ZNF451: variants seen among roughly 807,000 people sequenced by gnomAD.
ZNF451 encodes E3 SUMO-protein ligase ZNF451.
Under a neutral mutation model 107.1 loss-of-function variants are expected in ZNF451, and 80 were observed. The ratio of observed to expected loss-of-function variants is 0.75; its 90% CI spans 0.62 to 0.90. The LOEUF (loss-of-function observed/expected upper bound fraction) is 0.90. Among genes scored for constraint, ZNF451 ranks in the 40% least tolerant of loss-of-function variants. The pLI, the probability that ZNF451 is intolerant of heterozygous loss-of-function variation, is 0.00. For missense variants in ZNF451, 1,107 were observed against 1,236.2 expected (o/e 0.90, Z 1.57); for synonymous variants, 362 against 406.5 (o/e 0.89, Z 1.32).
intron 3 of ZNF451, chr6:57,105,890 CTTTT>C: frequency 5.3e-6 from 5 of 936,306 alleles, no homozygotes; most frequent in Non-Finnish European, 5.1e-6. Context: ...TACATTTAAA[CTTTT>C]TTTTTTAAAC....
chr6:57,159,544 TGCGTTTTCTTA>T, intron 13 of ZNF451: 1 of 266,550 alleles, frequency 3.8e-6, no homozygotes, highest in Non-Finnish European at 5.5e-6. Flanking sequence ...TTTTTTTTTT[TGCGTTTTCTTA>T]TTTTGCTCAT....
chr6:57,124,633 A>T, intron 3 of ZNF451, 101 bp from the exon 4 acceptor site: 1 of 868,944 alleles, frequency 1.2e-6, no homozygotes, highest in Non-Finnish European at 1.8e-6. Flanking sequence ...CTTATAACTC[A>T]AGTAAATGGT....
At chr6:57,105,986 CTCTT>C (rs1004085848) in intron 3 of ZNF451, 2 of 982,376 alleles carry the variant, frequency 2.0e-6, no homozygotes, top group South Asian at 4.7e-5. Context: ...GGAGCATAAA[CTCTT>C]TCAGGCTACT....
chr6:57,094,665 C>T (rs1012525577), intron 2 of ZNF451, among the ~76,000 whole-genome samples: 33 of 152,116 alleles, frequency 2.2e-4, no homozygotes, highest in Middle Eastern at 3.4e-3. Context: ...TTATTATAAA[C>T]ATAACTTCTT....
intron 3 of ZNF451, chr6:57,103,807 T>C: frequency 1.0e-6 from 1 of 985,378 alleles, no homozygotes; most frequent in Non-Finnish European, 1.2e-6. Flanking sequence ...TGATGTTTTC[T>C]CTGGTGCCAC....
chr6:57,145,920 G>A (rs957860608), intron 9 of ZNF451, among the ~76,000 whole-genome samples: 1 of 152,180 alleles, frequency 6.6e-6, no homozygotes, highest in Non-Finnish European at 1.5e-5. Context: ...TCCATCAACA[G>A]TGTATAAGTG....
intron 3 of ZNF451, among the ~76,000 whole-genome samples, chr6:57,124,161 A>G (rs550406253): frequency 1.3e-5 from 2 of 152,280 alleles, no homozygotes; most frequent in Admixed American, 1.3e-4. Flanking sequence ...TATAAAGTGA[A>G]GAAAGTTCCC....
intron 9 of ZNF451, among the ~76,000 whole-genome samples, chr6:57,143,923 A>G (rs1290517931): frequency 6.6e-6 from 1 of 152,222 alleles, no homozygotes. Context: ...CTTTGAAAAC[A>G]TTATGCTAAA....
chr6:57,158,944 A>G, intron 13 of ZNF451: 1 of 985,452 alleles, frequency 1.0e-6, no homozygotes, highest in Non-Finnish European at 1.2e-6. Flanking sequence ...ATAAACATTC[A>G]CCTAGGTGCT....
At chr6:57,105,238 G>T (rs1386456252) in intron 3 of ZNF451, 2 of 985,186 alleles carry the variant, frequency 2.0e-6, no homozygotes, top group African/African-American at 3.5e-5. Context: ...CAAGTTTAAT[G>T]ATCTGGTATT....
In ZNF451 at chr6:57,148,665, T is replaced by G. The variant is rs1228238914; in HGVS notation, c.2580T>G (p.Val860=). 1.3e-5 allele frequency: 21 copies of G among 1,612,252 alleles called. No homozygotes were observed. Among genetic ancestry groups the G allele is most frequent in the African/African-American group, 4.0e-5 (3 of 74,824 alleles). The change falls in exon 10 of 15, where the codon GTT becomes GTG. Residue 860 remains valine, a synonymous_variant. Coordinates refer to ENST00000370706, the MANE Select transcript of ZNF451 (RefSeq NM_001031623.3). The part of the protein sequence containing the change: ...YSKSLDMEKG[V]ENDLSYQNIE... ...AAAGTTTAGACATGGAGAAAGGAGT[T>G]GAGAATGACCTAAGCTATCAGAATA...
chr6:57,159,112 T>C (rs894956144), intron 13 of ZNF451: 1 of 985,270 alleles, frequency 1.0e-6, no homozygotes. Flanking sequence ...TATAAAAATA[T>C]GTTGATAAAA....
intron 7 of ZNF451, among the ~76,000 whole-genome samples, chr6:57,138,198 G>A (rs1343475549): frequency 6.6e-6 from 1 of 151,300 alleles, no homozygotes; most frequent in Non-Finnish European, 1.5e-5. Context: ...TTACTTTCCC[G>A]CCAGCAATGT....
At chr6:57,156,639 G>GTAC (rs1405213297) in intron 13 of ZNF451, among the ~76,000 whole-genome samples, 1 of 152,168 alleles carries the variant, frequency 6.6e-6, no homozygotes, top group Non-Finnish European at 1.5e-5. Flanking sequence ...AAACATGTAT[G>GTAC]TACTACATTG....
intron 5 of ZNF451, among the ~76,000 whole-genome samples, chr6:57,132,201 C>G (rs958219258): frequency 2.0e-5 from 3 of 152,030 alleles, no homozygotes; most frequent in Non-Finnish European, 2.9e-5. Flanking sequence ...ATGTGTTATC[C>G]CTTACACTTG....
At chr6:57,104,045 T>C (rs1265523275) in intron 3 of ZNF451, 1 of 985,040 alleles carries the variant, frequency 1.0e-6, no homozygotes, top group Non-Finnish European at 1.2e-6. Context: ...GGGGATATTG[T>C]TTTGCAAATT....
intron 13 of ZNF451, among the ~76,000 whole-genome samples, chr6:57,156,515 T>A (rs1763431806): frequency 1.3e-5 from 2 of 152,318 alleles, no homozygotes; most frequent in Middle Eastern, 3.4e-3. Context: ...CTTCTTGTTT[T>A]CAGATTTGAC....
intron 3 of ZNF451, chr6:57,103,522 T>C (rs955706293): frequency 1.0e-6 from 1 of 985,408 alleles, no homozygotes; most frequent in Non-Finnish European, 1.2e-6. Context: ...CTCAAGGTAG[T>C]GGATGTATGG....
At chr6:57,151,827 A>G (rs1015639577) in intron 11 of ZNF451, 1 of 156,662 alleles carries the variant, frequency 6.4e-6, no homozygotes, top group African/African-American at 2.4e-5. Flanking sequence ...ACTGACCTGG[A>G]TAAGTTAGCC....
Sources: allele counts gnomAD v4.1 joint callset (sites outside exome capture counted in the v4.1 genomes callset), GRCh38; gene constraint gnomAD v4.1.1; transcripts MANE v1.5; gene names NCBI Gene and HGNC (gene_info 2026-07-23, HGNC 2026-07-21).